Variants in PCBP3 observed in about 807,000 individuals in gnomAD.
PCBP3 encodes poly(rC) binding protein 3, also known as poly(rC)-binding protein 3.
A neutral mutation model predicts 52.7 loss-of-function variants in PCBP3; 25 were observed. The ratio of observed to expected loss-of-function variants is 0.47; its 90% confidence interval spans 0.35 to 0.66. PCBP3 has a LOEUF of 0.66. Ranked by LOEUF, PCBP3 falls within the 30% of genes least tolerant of loss-of-function variation. The pLI, the probability that PCBP3 is intolerant of heterozygous loss-of-function variation, is 0.01. For synonymous variants in PCBP3, 162 were observed against 183.0 expected (o/e 0.89, Z 0.93); for missense variants, 391 against 490.3 (o/e 0.80, Z 1.91).
At chr21:45,925,131 G>C in intron 13 of PCBP3, among the ~76,000 whole-genome samples, 1 of 122,382 alleles carries the variant, frequency 8.2e-6, no homozygotes, top group African/African-American at 3.6e-5. Flanking sequence ...ACGTAAGATC[G>C]GGTGTGCGTG....
intron 5 of PCBP3, among the ~76,000 whole-genome samples, chr21:45,860,163 C>A (rs2094457140): frequency 1.1e-5 from 1 of 94,162 alleles, no homozygotes; most frequent in Non-Finnish European, 2.1e-5. Context: ...CCCAGGTGCC[C>A]TCTCCAGCCG....
chr21:45,658,854 T>C (rs1267362225), intron 1 of PCBP3, among the ~76,000 whole-genome samples: 2 of 152,152 alleles, frequency 1.3e-5, no homozygotes, highest in African/African-American at 2.4e-5. Context: ...TTGTTTTAGG[T>C]TTTTTTCAGA....
chr21:45,881,722 A>G (rs2095410071), intron 5 of PCBP3, among the ~76,000 whole-genome samples: 1 of 150,582 alleles, frequency 6.6e-6, no homozygotes, highest in Non-Finnish European at 1.5e-5. Flanking sequence ...CATTTCCCCC[A>G]ACCCCCCGCA....
intron 4 of PCBP3, among the ~76,000 whole-genome samples, chr21:45,826,778 G>A (rs566038205): frequency 4.7e-4 from 71 of 152,276 alleles, no homozygotes; most frequent in Non-Finnish European, 7.2e-4. Flanking sequence ...AAGCAAACAA[G>A]AAAATAAAAT....
chr21:45,870,864 T>G (rs565124852), intron 5 of PCBP3: 12 of 152,856 alleles, frequency 7.9e-5, no homozygotes, highest in African/African-American at 2.6e-4. Flanking sequence ...ATGGTGAGTC[T>G]TCTTAGGACA....
At chr21:45,715,429 A>G (rs546598455) in intron 2 of PCBP3, among the ~76,000 whole-genome samples, 52 of 152,342 alleles carry the variant, frequency 3.4e-4, no homozygotes, top group African/African-American at 1.2e-3. Flanking sequence ...TGGTATTAAT[A>G]TATTTACAGA....
intron 6 of PCBP3, among the ~76,000 whole-genome samples, chr21:45,897,575 C>T (rs894400965): frequency 3.3e-5 from 5 of 152,168 alleles, no homozygotes; most frequent in African/African-American, 7.2e-5. Flanking sequence ...TGATTTGCTC[C>T]GATGCCCTCG....
intron 13 of PCBP3, among the ~76,000 whole-genome samples, chr21:45,922,610 C>T (rs774916887): frequency 3.3e-4 from 50 of 152,234 alleles, no homozygotes; most frequent in Admixed American, 5.2e-4. Flanking sequence ...TCTTCCAGCT[C>T]TCCTAATCAC....
chr21:45,702,683 G>A (rs2083205420), intron 2 of PCBP3, among the ~76,000 whole-genome samples: 1 of 152,208 alleles, frequency 6.6e-6, no homozygotes, highest in African/African-American at 2.4e-5. Context: ...GCCGCTGACT[G>A]ATCAGGGTGA....
chr21:45,896,158 C>T lies in PCBP3; in HGVS notation c.11-50C>T, dbSNP rs979007990. 1.1e-5 allele frequency: 17 copies of T among 1,527,746 alleles called. No individual in the cohort carries two copies. In the Admixed American group the frequency reaches 1.4e-4, roughly 12 times the overall value. The allele number at this position is 1,527,746 out of a possible 1,614,324, so 94.6% of individuals were successfully genotyped here. A position where few individuals can be genotyped will look rare whatever the true frequency, so the allele number is the denominator to read the frequency against. On this transcript the variant is annotated intron_variant, in intron 5 of 17. Coordinates refer to ENST00000681687, the MANE Select transcript of PCBP3 (RefSeq NM_001384156.1). ...GCGGCCCAGGACACCCCTGGATGTGCGTGGTCCGTGAGACTCTTCTCTAGC... is the reference window on the plus strand; with the variant it reads ...GCGGCCCAGGACACCCCTGGATGTGTGTGGTCCGTGAGACTCTTCTCTAGC...
rs2094130344 is a variant in PCBP3 at position 45,853,403 on chromosome 21, A to G, written c.10+3308A>G. ...CTTGGCGTTTTGAAAAAATAATTGG[A>G]CAAAACACACAAACAAAGCAAGGAA... On this transcript the variant is annotated intron_variant, in intron 5 of 17. Transcript: ENST00000681687. The surrounding 1 kb of genome is among the most constrained non-coding windows in gnomAD (Gnocchi z 4.6). 6.6e-6 allele frequency among the ~76,000 whole-genome samples: 1 copy of G among 152,176 alleles called. No individual in the cohort carries two copies. Among genetic ancestry groups the G allele is most frequent in the Non-Finnish European group, 1.5e-5 (1 of 68,032 alleles).
intron 6 of PCBP3, among the ~76,000 whole-genome samples, chr21:45,898,358 A>ACGGCCTCCCTC (rs879473481): frequency 2.4e-5 from 1 of 42,018 alleles, no homozygotes; most frequent in African/African-American, 1.2e-4. Context: ...CACCATCCTC[A>ACGGCCTCCCTC]TGGTCTCCCT....
chr21:45,869,088 C>T (rs960856938), intron 5 of PCBP3: 2 of 152,196 alleles, frequency 1.3e-5, no homozygotes, highest in Non-Finnish European at 2.9e-5. Flanking sequence ...CAGAGCTTGT[C>T]TTTCACCCAA....
intron 2 of PCBP3, among the ~76,000 whole-genome samples, chr21:45,694,686 G>T (rs2082667090): frequency 6.6e-6 from 1 of 152,154 alleles, no homozygotes; most frequent in South Asian, 2.1e-4. Flanking sequence ...GATAGAAGGT[G>T]AATAAAGACC....
intron 5 of PCBP3, among the ~76,000 whole-genome samples, chr21:45,877,703 G>A (rs1404050551): frequency 6.6e-6 from 1 of 152,230 alleles, no homozygotes; most frequent in Non-Finnish European, 1.5e-5. Context: ...CCACTCAGGA[G>A]GCTGAGGCGG....
chr21:45,840,185 G>C lies in PCBP3; in HGVS notation c.-125-9776G>C, dbSNP rs1242947474. 4.6e-5 allele frequency among the ~76,000 whole-genome samples: 7 copies of C among 151,476 alleles called. No homozygotes were observed. In the South Asian group the frequency reaches 1.5e-3, roughly 32 times the overall value. On this transcript the variant is annotated intron_variant, in intron 4 of 17. Coordinates refer to ENST00000681687, the MANE Select transcript of PCBP3 (RefSeq NM_001384156.1). ...ATGTTACAGTAGGCTGGGCACGGTG[G>C]CTCACTCCTGTAATCCCAGCACTTT...
chr21:45,816,761 TAGA>T (rs1211105457), intron 4 of PCBP3, among the ~76,000 whole-genome samples: 2 of 150,178 alleles, frequency 1.3e-5, no homozygotes, highest in African/African-American at 2.5e-5. Context: ...TTTTAATAAA[TAGA>T]AGGAGTACAC....
intron 4 of PCBP3, among the ~76,000 whole-genome samples, chr21:45,819,202 A>G (rs1178448234): frequency 6.6e-6 from 1 of 152,072 alleles, no homozygotes; most frequent in Non-Finnish European, 1.5e-5. Flanking sequence ...TGACTCATGT[A>G]CTGCTCTGGT....
At chr21:45,749,002 C>A (rs1016661047) in intron 3 of PCBP3, among the ~76,000 whole-genome samples, 1 of 152,190 alleles carries the variant, frequency 6.6e-6, no homozygotes, top group African/African-American at 2.4e-5. Flanking sequence ...ACAAAGAGGG[C>A]AAGAACCACC....
Sources: gnomAD v4.1 joint callset for allele counts (sites outside exome capture counted in the v4.1 genomes callset) on GRCh38, gnomAD v4.1.1 for gene constraint, Gnocchi (gnomAD v3.1) non-coding constraint, MANE v1.5 for transcripts, NCBI Gene and HGNC (gene_info 2026-07-23, HGNC 2026-07-21) for gene names.